ROR1: variants seen among roughly 807,000 people sequenced by gnomAD.
ROR1 encodes inactive tyrosine-protein kinase transmembrane receptor ROR1.
In ROR1, 19 loss-of-function variants were observed where a neutral mutation model predicts 78.8. The observed-to-expected ratio is 0.24, with a 90% confidence interval of 0.17 to 0.35. ROR1 has a LOEUF of 0.35. Among genes scored for constraint, ROR1 ranks in the 10% least tolerant of loss-of-function variants. The pLI is 1.00. For synonymous variants in ROR1, 386 were observed against 433.6 expected, an observed-to-expected ratio of 0.89 and a Z score of 1.36; for missense variants, 917 against 1,177.8, an observed-to-expected ratio of 0.78 and a Z score of 3.24.
chr1:63,892,790 C>G (rs1217360288), intron 1 of ROR1, among the ~76,000 whole-genome samples: 1 of 152,108 alleles, frequency 6.6e-6, no homozygotes, highest in Admixed American at 6.5e-5. Flanking sequence ...GGGAGTAGGA[C>G]TTGAGGCCCT....
intron 1 of ROR1, among the ~76,000 whole-genome samples, chr1:63,834,214 G>A (rs1167831077): frequency 6.6e-6 from 1 of 151,814 alleles, no homozygotes; most frequent in African/African-American, 2.4e-5. Context: ...TGAGCTGAGG[G>A]ATGGCAGGAT....
chr1:63,796,818 T>C (rs1197294042), intron 1 of ROR1, among the ~76,000 whole-genome samples: 1 of 152,108 alleles, frequency 6.6e-6, no homozygotes, highest in African/African-American at 2.4e-5. Flanking sequence ...GAAATGGCAA[T>C]GCACCGAGCC....
intron 1 of ROR1, among the ~76,000 whole-genome samples, chr1:63,949,829 C>T (rs953600950): frequency 6.6e-6 from 1 of 152,110 alleles, no homozygotes; most frequent in Admixed American, 6.6e-5. Context: ...CCAGCCAGTG[C>T]CCTAACTTGT....
intron 1 of ROR1, among the ~76,000 whole-genome samples, chr1:63,789,725 T>C (rs1274769343): frequency 6.6e-6 from 1 of 151,244 alleles, no homozygotes; most frequent in Non-Finnish European, 1.5e-5. Flanking sequence ...TCACTCTCTT[T>C]TGGGATTACT....
intron 2 of ROR1, among the ~76,000 whole-genome samples, chr1:64,023,206 T>TGCTA (rs1646579422): frequency 6.6e-6 from 1 of 152,170 alleles, no homozygotes; most frequent in African/African-American, 2.4e-5. Flanking sequence ...AACAGAAGGA[T>TGCTA]GCTAGCATCC....
intron 4 of ROR1, among the ~76,000 whole-genome samples, chr1:64,126,275 A>G (rs1213819998): frequency 6.6e-6 from 1 of 152,192 alleles, no homozygotes; most frequent in Non-Finnish European, 1.5e-5. Flanking sequence ...ACTGGGCTGA[A>G]GATGTCCATG....
intron 4 of ROR1, among the ~76,000 whole-genome samples, chr1:64,068,172 A>G (rs1646973874): frequency 6.6e-6 from 1 of 152,210 alleles, no homozygotes; most frequent in African/African-American, 2.4e-5. Context: ...TTAAATGTCT[A>G]AAAACGTCAT....
At chr1:64,124,100 TTG>T (rs1648633949) in intron 4 of ROR1, among the ~76,000 whole-genome samples, 1 of 152,284 alleles carries the variant, frequency 6.6e-6, no homozygotes, top group African/African-American at 2.4e-5. Flanking sequence ...CAAAAATAAT[TTG>T]TGTGTTTATA....
intron 1 of ROR1, among the ~76,000 whole-genome samples, chr1:63,852,944 A>G (rs974430146): frequency 6.6e-6 from 1 of 152,142 alleles, no homozygotes; most frequent in Non-Finnish European, 1.5e-5. Flanking sequence ...ATTTAGCTCC[A>G]CTCAGATTTG....
At chr1:63,997,843 T>C (rs1207382410) in intron 1 of ROR1, among the ~76,000 whole-genome samples, 1 of 149,382 alleles carries the variant, frequency 6.7e-6, no homozygotes, top group Non-Finnish European at 1.5e-5. Context: ...TTTTTTTTTT[T>C]AAAAGTCTTT....
intron 1 of ROR1, among the ~76,000 whole-genome samples, chr1:63,943,251 C>T (rs1330539087): frequency 6.6e-6 from 1 of 152,176 alleles, no homozygotes; most frequent in African/African-American, 2.4e-5. Context: ...ACAACTCACT[C>T]AGCCTGAGAG....
chr1:63,794,599 C>G (rs772891643), intron 1 of ROR1, among the ~76,000 whole-genome samples: 12 of 152,164 alleles, frequency 7.9e-5, no homozygotes, highest in South Asian at 2.1e-4. Context: ...GGGCGGCTCT[C>G]CAGCTAGACT....
intron 8 of ROR1, among the ~76,000 whole-genome samples, chr1:64,174,988 G>A (rs552388798): frequency 6.7e-6 from 1 of 150,026 alleles, no homozygotes; most frequent in African/African-American, 2.4e-5. Context: ...CAGTAAGATG[G>A]GAAGATTCGC....
At chr1:64,050,837 G>C in intron 4 of ROR1, 121 bp downstream of exon 4, 1 of 959,802 alleles carries the variant, frequency 1.0e-6, no homozygotes, top group Non-Finnish European at 1.7e-6. Context: ...ATTCCATTTT[G>C]CCCTGCCCTC....
chr1:64,097,667 G>GA (rs1288505040), intron 4 of ROR1, among the ~76,000 whole-genome samples: 6 of 149,848 alleles, frequency 4.0e-5, no homozygotes, highest in Admixed American at 2.7e-4. Context: ...TTTACCAAGG[G>GA]AAAAAAAAAG....
At chr1:63,851,117 C>A (rs762222752) in intron 1 of ROR1, among the ~76,000 whole-genome samples, 15 of 152,140 alleles carry the variant, frequency 9.9e-5, no homozygotes, top group Non-Finnish European at 1.9e-4. Context: ...GTAGCTGGGA[C>A]TATAGGCGTG....
intron 1 of ROR1, among the ~76,000 whole-genome samples, chr1:63,949,584 T>C (rs1444069889): frequency 2.0e-5 from 3 of 152,200 alleles, no homozygotes; most frequent in African/African-American, 7.2e-5. Flanking sequence ...TTACGGGTGC[T>C]ATTTTCTTTC....
At chr1:64,014,540 A>G (rs550416157) in intron 2 of ROR1, among the ~76,000 whole-genome samples, 3 of 149,592 alleles carry the variant, frequency 2.0e-5, no homozygotes, top group South Asian at 4.3e-4. Context: ...CCCTTCTACC[A>G]TACTCAGTCA....
At chr1:64,121,994 A>C (rs556093250) in intron 4 of ROR1, among the ~76,000 whole-genome samples, 1 of 152,190 alleles carries the variant, frequency 6.6e-6, no homozygotes, top group Non-Finnish European at 1.5e-5. Flanking sequence ...CTGGCCACCA[A>C]CCAGGTGCTC....
Sources: gnomAD v4.1 joint callset for allele counts (sites outside exome capture counted in the v4.1 genomes callset) on GRCh38, gnomAD v4.1.1 for gene constraint, MANE v1.5 for transcripts, NCBI Gene and HGNC (gene_info 2026-07-23, HGNC 2026-07-21) for gene names.